The following ANKFN1 variants were observed in gnomAD, a reference collection of about 807,000 sequenced individuals.
The protein encoded by ANKFN1 is ankyrin repeat and fibronectin type-III domain-containing protein 1.
In ANKFN1, 74 loss-of-function variants were observed where a neutral mutation model predicts 108.7. The ratio of observed to expected loss-of-function variants is 0.68; its 90% CI spans 0.56 to 0.83. The LOEUF (loss-of-function observed/expected upper bound fraction) is 0.83. ANKFN1 is among the 40% of genes least tolerant of loss of function. The probability of loss-of-function intolerance (pLI) is 0.00; values close to 1 mark genes in which losing one functional copy is unlikely to be tolerated. For missense variants in ANKFN1, 1,505 were observed against 1,382.3 expected, an observed-to-expected ratio of 1.09 and a Z score of -1.41; for synonymous variants, 547 against 516.2, an observed-to-expected ratio of 1.06 and a Z score of -0.81.
chr17:56,468,597 C>T (rs61403076), intron 15 of ANKFN1, among the ~76,000 whole-genome samples: 2,177 of 150,928 alleles, frequency 0.014, 48 homozygotes, highest in African/African-American at 0.051. Context: ...TCTGACCTTC[C>T]GTCCTGGGAG....
chr17:56,167,872 T>G (rs1256065960), intron 1 of ANKFN1, among the ~76,000 whole-genome samples: 1 of 152,164 alleles, frequency 6.6e-6, no homozygotes, highest in African/African-American at 2.4e-5. Context: ...AAGTGACCTA[T>G]GTCACTTTTA....
chr17:56,418,215 A>G (rs2048298367), intron 8 of ANKFN1, among the ~76,000 whole-genome samples: 1 of 152,194 alleles, frequency 6.6e-6, no homozygotes, highest in African/African-American at 2.4e-5. Context: ...CTGTGGTGAT[A>G]AATTCTTTGT....
intron 1 of ANKFN1, among the ~76,000 whole-genome samples, chr17:56,202,994 T>C (rs1276502036): frequency 6.6e-6 from 1 of 152,210 alleles, no homozygotes; most frequent in African/African-American, 2.4e-5. Flanking sequence ...ACTATCACTG[T>C]TGTCTTTTTA....
At chr17:56,173,070 T>A (rs1435537822) in intron 1 of ANKFN1, among the ~76,000 whole-genome samples, 1 of 152,252 alleles carries the variant, frequency 6.6e-6, no homozygotes, top group African/African-American at 2.4e-5. Context: ...GGCCTCTATC[T>A]GACCCTAAGT....
chr17:56,257,157 G>C (rs1401529266), intron 3 of ANKFN1, among the ~76,000 whole-genome samples: 1 of 152,172 alleles, frequency 6.6e-6, no homozygotes, highest in African/African-American at 2.4e-5. Context: ...GCCTGGTATA[G>C]TAAGAACTCA....
chr17:56,215,020 G>A (rs1018424000), intron 2 of ANKFN1, among the ~76,000 whole-genome samples: 2 of 152,172 alleles, frequency 1.3e-5, no homozygotes, highest in Non-Finnish European at 2.9e-5. Context: ...ATAACTGGAG[G>A]AAATCCACTC....
chr17:56,375,151 G>T (rs1256200569), intron 8 of ANKFN1, among the ~76,000 whole-genome samples: 1 of 152,146 alleles, frequency 6.6e-6, no homozygotes, highest in Non-Finnish European at 1.5e-5. Context: ...TGCAGATAAA[G>T]TATATTGGAG....
At chr17:56,221,410 A>G (rs2143868267) in intron 2 of ANKFN1, among the ~76,000 whole-genome samples, 1 of 152,316 alleles carries the variant, frequency 6.6e-6, no homozygotes, top group Non-Finnish European at 1.5e-5. Context: ...AGTAGATGAA[A>G]GGTGACCAAA....
chr17:56,382,031 A>G (rs941888228), intron 8 of ANKFN1, among the ~76,000 whole-genome samples: 1 of 152,204 alleles, frequency 6.6e-6, no homozygotes, highest in African/African-American at 2.4e-5. Context: ...AAGGGCAGCC[A>G]AAGAGAAAGG....
At chr17:56,473,700 TG>T (rs2050403221) in intron 15 of ANKFN1, 1 of 149,250 alleles carries the variant, frequency 6.7e-6, no homozygotes, top group Non-Finnish European at 1.5e-5. Flanking sequence ...TCATGGATTA[TG>T]TGGATGAGAC....
intron 1 of ANKFN1, among the ~76,000 whole-genome samples, chr17:56,183,174 A>G (rs2143638849): frequency 6.6e-6 from 1 of 152,278 alleles, no homozygotes; most frequent in Non-Finnish European, 1.5e-5. Flanking sequence ...TCGAGGAGTT[A>G]TTTTGGCTTT....
intron 4 of ANKFN1, among the ~76,000 whole-genome samples, chr17:56,071,442 A>G (rs1255817175): frequency 7.2e-5 from 11 of 152,164 alleles, no homozygotes; most frequent in Admixed American, 7.2e-4. Flanking sequence ...CTCCAGCTAA[A>G]AGAAAAACTC....
At chr17:56,154,177 G>C (rs572668916) in intron 1 of ANKFN1, among the ~76,000 whole-genome samples, 11 of 152,256 alleles carry the variant, frequency 7.2e-5, no homozygotes, top group African/African-American at 2.6e-4. Flanking sequence ...GACCTCAAAT[G>C]TGCCTTTGGT....
intron 14 of ANKFN1, among the ~76,000 whole-genome samples, chr17:56,459,269 C>G (rs2049823179): frequency 6.6e-6 from 1 of 152,090 alleles, no homozygotes; most frequent in African/African-American, 2.4e-5. Flanking sequence ...CACTACCACA[C>G]CCGGCTAATT....
chr17:56,109,052 C>T (rs1161610529), intron 4 of ANKFN1, among the ~76,000 whole-genome samples: 1 of 152,194 alleles, frequency 6.6e-6, no homozygotes, highest in Non-Finnish European at 1.5e-5. Flanking sequence ...GTAAAAGTCT[C>T]AGCTCTGCCT....
At chr17:56,497,147 G>A (rs2044928874) in intron 19 of ANKFN1, among the ~76,000 whole-genome samples, 1 of 152,106 alleles carries the variant, frequency 6.6e-6, no homozygotes, top group Admixed American at 6.6e-5. Flanking sequence ...ATGAGGTAGG[G>A]CCAGTAAAAG....
At chr17:56,460,194 A>C (rs2049854074) in intron 14 of ANKFN1, among the ~76,000 whole-genome samples, 1 of 152,092 alleles carries the variant, frequency 6.6e-6, no homozygotes, top group African/African-American at 2.4e-5. Flanking sequence ...ACTATTTTAA[A>C]ACCTTCTCCC....
intron 8 of ANKFN1, among the ~76,000 whole-genome samples, chr17:56,436,571 C>A (rs755673863): frequency 1.3e-5 from 2 of 152,114 alleles, no homozygotes; most frequent in African/African-American, 2.4e-5. Context: ...TGCCTATAAT[C>A]CCAACATTTT....
At chr17:56,390,103 G>A (rs12452143) in intron 8 of ANKFN1, among the ~76,000 whole-genome samples, 81,025 of 151,708 alleles carry the variant, frequency 0.53, 26,311 homozygotes, top group East Asian at 0.87. Context: ...ATAGGTATAC[G>A]TGTGCCATGG....
Sources: gnomAD v4.1 joint callset for allele counts (sites outside exome capture counted in the v4.1 genomes callset) on GRCh38, gnomAD v4.1.1 for gene constraint, MANE v1.5 for transcripts, NCBI Gene and HGNC (gene_info 2026-07-23, HGNC 2026-07-21) for gene names.